Variants in TFAP2D observed in about 807,000 individuals in gnomAD.
TFAP2D encodes the protein transcription factor AP-2 delta, also known as transcription factor AP-2-delta.
TFAP2D carries 9 observed loss-of-function variants against 43.6 expected under a neutral mutation model. The observed-to-expected ratio is 0.21, with a 90% CI of 0.12 to 0.36. The LOEUF (loss-of-function observed/expected upper bound fraction) is 0.36, where lower values mean the gene tolerates loss of function less well. TFAP2D is among the 10% of genes least tolerant of loss of function. TFAP2D has a pLI of 1.00. For missense variants in TFAP2D, 513 were observed against 561.4 expected, an observed-to-expected ratio of 0.91 and a Z score of 0.87; for synonymous variants, 256 against 224.9, an observed-to-expected ratio of 1.14 and a Z score of -1.24.
chr6:50,740,684 G>T (rs1203197064), intron 5 of TFAP2D, among the ~76,000 whole-genome samples: 1 of 152,028 alleles, frequency 6.6e-6, no homozygotes, highest in Non-Finnish European at 1.5e-5. Flanking sequence ...TGATCCACTG[G>T]GCTTGGCCTC....
intron 1 of TFAP2D, 148 bp downstream of exon 1, chr6:50,714,242 G>A (rs1288739787): frequency 2.1e-6 from 2 of 945,698 alleles, no homozygotes; most frequent in African/African-American, 1.7e-5. Context: ...TCTTTCGGGG[G>A]AAGTTAAGGA....
At chr6:50,752,631 T>C (rs773803137) in intron 7 of TFAP2D, among the ~76,000 whole-genome samples, 8 of 151,856 alleles carry the variant, frequency 5.3e-5, no homozygotes, top group Non-Finnish European at 8.8e-5. Context: ...GTCACAAGTT[T>C]CCTCAAGATG....
chr6:50,725,160 C>G (rs1223242957), intron 3 of TFAP2D, among the ~76,000 whole-genome samples: 2 of 152,166 alleles, frequency 1.3e-5, no homozygotes, highest in Admixed American at 6.6e-5. Context: ...CGAATAAGAT[C>G]TAACAAGATA....
intron 3 of TFAP2D, among the ~76,000 whole-genome samples, chr6:50,726,484 G>C (rs943503353): frequency 1.3e-5 from 2 of 152,196 alleles, no homozygotes; most frequent in African/African-American, 2.4e-5. Context: ...TAGTATGCAA[G>C]AGAGGAAAGT....
intron 5 of TFAP2D, among the ~76,000 whole-genome samples, chr6:50,735,538 G>A (rs550184010): frequency 1.3e-5 from 2 of 152,152 alleles, no homozygotes; most frequent in South Asian, 4.2e-4. Context: ...AAAGTTAGGG[G>A]GACATTAAAT....
At chr6:50,764,231 G>T (rs116348451) in intron 7 of TFAP2D, among the ~76,000 whole-genome samples, 2,358 of 152,060 alleles carry the variant, frequency 0.016, 24 homozygotes, top group Non-Finnish European at 0.022. Flanking sequence ...CCATAAATAG[G>T]TGATTTCTAG....
At chr6:50,753,026 C>T (rs1345073899) in intron 7 of TFAP2D, among the ~76,000 whole-genome samples, 4 of 151,820 alleles carry the variant, frequency 2.6e-5, no homozygotes, top group Non-Finnish European at 4.4e-5. Context: ...CCTTCACCAC[C>T]GATCCAAGTT....
intron 5 of TFAP2D, among the ~76,000 whole-genome samples, chr6:50,732,664 C>T (rs1768910369): frequency 6.6e-6 from 1 of 151,880 alleles, no homozygotes; most frequent in Non-Finnish European, 1.5e-5. Flanking sequence ...TGTGTGGGGA[C>T]CCTGGAAGGC....
chr6:50,720,526 CACACACACACACAT>C (rs1274886577), intron 3 of TFAP2D, among the ~76,000 whole-genome samples: 1 of 130,156 alleles, frequency 7.7e-6, no homozygotes, highest in African/African-American at 2.8e-5. Flanking sequence ...CACACACACA[CACACACACACACAT>C]ATACGTGGTA....
chr6:50,739,563 A>C (rs1769008951), intron 5 of TFAP2D, among the ~76,000 whole-genome samples: 1 of 152,194 alleles, frequency 6.6e-6, no homozygotes, highest in Non-Finnish European at 1.5e-5. Context: ...GCAAGGGTTG[A>C]GAAAGCCTGC....
In TFAP2D at chr6:50,714,336, G is replaced by A. The variant is rs1382565124; in HGVS notation, c.39+242G>A. Among the ~76,000 whole-genome samples, 5 of 152,170 alleles carry A rather than the reference G, an allele frequency of 3.3e-5. No homozygotes were observed. The East Asian group carries it at 5.8e-4, about 18-fold the overall frequency. ...CGTTAAGAAACATTTGCCATAATGAGCGGGAAAACATAATCTTAATAATAA... is the reference window on the plus strand; with the variant it reads ...CGTTAAGAAACATTTGCCATAATGAACGGGAAAACATAATCTTAATAATAA... On this transcript the variant is annotated intron_variant, in intron 1 of 7. Coordinates refer to ENST00000008391, the MANE Select transcript of TFAP2D (RefSeq NM_172238.4).
intron 7 of TFAP2D, among the ~76,000 whole-genome samples, chr6:50,761,707 G>A (rs544690955): frequency 6.6e-6 from 1 of 151,974 alleles, no homozygotes; most frequent in South Asian, 2.1e-4. Flanking sequence ...CATTTTTGAA[G>A]GACAATTAGA....
chr6:50,765,712 GT>G (rs367904810), intron 7 of TFAP2D, among the ~76,000 whole-genome samples: 33 of 147,158 alleles, frequency 2.2e-4, no homozygotes, highest in African/African-American at 5.2e-4. Flanking sequence ...CAGGTTATTT[GT>G]TTTTTTTTTC....
At chr6:50,762,923 A>C (rs1263984914) in intron 7 of TFAP2D, among the ~76,000 whole-genome samples, 1 of 152,126 alleles carries the variant, frequency 6.6e-6, no homozygotes, top group Non-Finnish European at 1.5e-5. Context: ...TGCAGTCTCT[A>C]AGTCCGCCTA....
At position 50,715,403 on chromosome 6, in the gene TFAP2D, G is replaced by A. The variant is rs1309454533; in HGVS notation, c.327G>A (p.Glu109=). The change falls in exon 2 of 8, where the codon GAG becomes GAA. Residue 109 remains glutamate, a synonymous_variant. Coordinates refer to ENST00000008391, the MANE Select transcript of TFAP2D (RefSeq NM_172238.4). Reference sequence around the variant, plus strand: ...ACTACCAGCAGATCCACCACGGGGAGCCCACCGACTTTATTAACCTGCACA... The same window carrying A: ...ACTACCAGCAGATCCACCACGGGGAACCCACCGACTTTATTAACCTGCACA... ...QQYYQQIHHG[E]PTDFINLHNA... The A allele has an allele frequency of 6.2e-7, 1 of 1,614,122 alleles. No individual in the cohort carries two copies. The highest frequency in any genetic ancestry group is 1.1e-5 in the South Asian group (1 of 91,078).
chr6:50,724,520 A>C (rs545639709), intron 3 of TFAP2D, among the ~76,000 whole-genome samples: 64 of 152,126 alleles, frequency 4.2e-4, no homozygotes, highest in Non-Finnish European at 6.6e-4. Context: ...GCTAGGAAGT[A>C]TTGATCGCAC....
rs980495260 is a variant in TFAP2D at position 50,713,845 on chromosome 6, C to A, written c.-211C>A. The A allele has an allele frequency of 1.1e-5, 7 of 654,112 alleles. No individual in the cohort carries two copies. The highest frequency in any genetic ancestry group is 5.5e-5 in the African/African-American group (3 of 54,388). The allele number at this position is 654,112 out of a possible 1,614,324, so 40.5% of individuals were successfully genotyped here. The stretch of plus-strand genomic sequence containing the variant: ...TCTGTTCCAGGGAGCTGCTTTTGTG[C>A]AGAGGGAAAATTTTGTTCCTACAGG... On this transcript the variant is annotated 5_prime_UTR_variant, in exon 1 of 8. An upstream open reading frame in the 5' UTR gains an earlier in-frame stop. Coordinates refer to ENST00000008391, the MANE Select transcript of TFAP2D (RefSeq NM_172238.4).
Position 50,715,536 on chromosome 6 carries a change from T to C in TFAP2D, c.460T>C (p.Tyr154His). ...DLSLMSHGSQ[Y>H]GMHPDQRLLP... ...GTCCCTCATGAGCCATGGCTCTCAG[T>C]ATGGAATGCACCCAGATCAAAGACT... The change falls in exon 2 of 8, where the codon TAT (tyrosine) becomes CAT (histidine). Residue 154 changes from tyrosine to histidine, a missense_variant. Physicochemically the swap from Tyr to His is moderately conservative, Grantham distance 83. Around this residue, in one of 3 missense-constraint regions of TFAP2D, gnomAD observed 311 missense variants for 316.2 expected, o/e 0.98. Coordinates refer to ENST00000008391, the MANE Select transcript of TFAP2D (RefSeq NM_172238.4). 1 of 1,612,114 alleles carries C rather than the reference T, an allele frequency of 6.2e-7. No homozygotes were observed. The highest frequency in any genetic ancestry group is 1.1e-5 in the South Asian group (1 of 91,074).
At chr6:50,758,309 A>G (rs1166327957) in intron 7 of TFAP2D, among the ~76,000 whole-genome samples, 1 of 151,934 alleles carries the variant, frequency 6.6e-6, no homozygotes, top group Non-Finnish European at 1.5e-5. Flanking sequence ...CCTTCTCTCC[A>G]ACGTCTCTGT....
Sources: gnomAD v4.1 joint callset for allele counts (sites outside exome capture counted in the v4.1 genomes callset) on GRCh38, gnomAD v4.1.1 for gene constraint, gnomAD v4.1.1 regional missense constraint, MANE v1.5 for transcripts, NCBI Gene and HGNC (gene_info 2026-07-23, HGNC 2026-07-21) for gene names.